OR2H1: variants seen among roughly 807,000 people sequenced by gnomAD.
OR2H1 encodes olfactory receptor 2H1.
For missense variants in OR2H1, 380 were observed against 367.3 expected (o/e 1.03, Z -0.28); for synonymous variants, 155 against 155.2 (o/e 1.00, Z 0.01).
In OR2H1 at chr6:29,462,712, G is replaced by C; in HGVS notation, c.943G>C (p.Ala315Pro). ...AAGAGACTCCAGGGAAAGCTGGAGA[G>C]CTGCTTAATATACTTTCGAAAGTAA... ...KERDSRESWR[A>P]A is the part of the protein sequence containing the mutation. The change falls in exon 4 of 4, where the codon GCT becomes CCT. Residue 315 changes from alanine to proline, a missense_variant. By Grantham distance (27) the Ala-to-Pro change is conservative. Coordinates refer to ENST00000377133, the MANE Select transcript of OR2H1 (RefSeq NM_030883.5). 2 of 1,607,462 alleles carry C rather than the reference G, an allele frequency of 1.2e-6. No individual in the cohort carries two copies. The highest frequency in any genetic ancestry group is 1.7e-6 in the Non-Finnish European group (2 of 1,176,074).
Position 29,462,796 on chromosome 6 carries a change from C to T in OR2H1, c.*76C>T. 9.4e-7 allele frequency: 1 copy of T among 1,066,026 alleles called. No individual in the cohort carries two copies. Among genetic ancestry groups the T allele is most frequent in the Non-Finnish European group, 1.4e-6 (1 of 731,566 alleles). 66.0% of individuals were successfully genotyped at this position (1,066,026 alleles called of 1,614,324 possible). The stretch of plus-strand genomic sequence containing the variant: ...GTTTTCCAGACTACTACCCTTCCCA[C>T]ATACACCTGAGCCACTGTGGTGGGT... On this transcript the variant is annotated 3_prime_UTR_variant, in exon 4 of 4. Coordinates refer to ENST00000377133, the MANE Select transcript of OR2H1 (RefSeq NM_030883.5).
chr6:29,462,148 C>A lies in OR2H1; in HGVS notation c.379C>A (p.Pro127Thr). Residue 127 changes from proline (P) to threonine (T), a missense_variant, in exon 4 of 4, where the codon CCC (proline) becomes ACC (threonine). Pro to Thr is a conservative substitution (Grantham distance 38). Coordinates refer to ENST00000377133, the MANE Select transcript of OR2H1 (RefSeq NM_030883.5). ...TGACCGATACGTGGCTGTCTGCCAG[C>A]CCCTCCACTATGCCACCATCATCCA... ...AFDRYVAVCQ[P>T]LHYATIIHPR... The A allele has an allele frequency of 6.2e-7, 1 of 1,613,686 alleles. No individual in the cohort carries two copies. The highest frequency in any genetic ancestry group is 8.5e-7 in the Non-Finnish European group (1 of 1,180,020).
Position 29,462,339 on chromosome 6 carries a change from C to T in OR2H1, c.570C>T (p.Thr190=), listed in dbSNP as rs144193488. 3 of 1,613,126 alleles carry T rather than the reference C, an allele frequency of 1.9e-6. No individual in the cohort carries two copies. Among genetic ancestry groups the T allele is most frequent in the African/African-American group, 1.3e-5 (1 of 75,040 alleles). The change falls in exon 4 of 4, where the codon ACC becomes ACT. Residue 190 remains threonine, a synonymous_variant. Transcript: ENST00000377133. ...TGATTCGACTCTCCTGTGGAGATAC[C>T]TCCTACAATGAAATCCAGTTGGCTG... The part of the protein sequence containing the change: ...PSLIRLSCGD[T]SYNEIQLAVS...
At chr6:29,459,072 G>C (rs1465116802) in intron 2 of OR2H1, among the ~76,000 whole-genome samples, 1 of 151,910 alleles carries the variant, frequency 6.6e-6, no homozygotes, top group Non-Finnish European at 1.5e-5. Flanking sequence ...GAGTGCAGAG[G>C]GTCAAAGGAA....
intron 1 of OR2H1, among the ~76,000 whole-genome samples, chr6:29,457,500 G>A (rs540168797): frequency 3.9e-5 from 6 of 152,168 alleles, no homozygotes; most frequent in South Asian, 4.1e-4. Flanking sequence ...AAAACAAAAT[G>A]ATAGAAATCA....
chr6:29,460,710 G>A (rs895561899), intron 3 of OR2H1, among the ~76,000 whole-genome samples: 3 of 152,062 alleles, frequency 2.0e-5, no homozygotes, highest in Non-Finnish European at 4.4e-5. Context: ...TCAAGTGTTA[G>A]CACTTTACTA....
At position 29,462,301 on chromosome 6, in the gene OR2H1, G is replaced by A. The variant is rs1324828939; in HGVS notation, c.532G>A (p.Glu178Lys). Residue 178 changes from glutamate to lysine, a missense_variant, in exon 4 of 4, where the codon GAG (glutamate) becomes AAG (lysine). Transcript: ENST00000377133. Reference sequence around the variant, plus strand: ...CCAGCAGATAGATGACTTTTTATGTGAGGTCCCATCTCTGATTCGACTCTC... The same window carrying A: ...CCAGCAGATAGATGACTTTTTATGTAAGGTCCCATCTCTGATTCGACTCTC... Reference protein sequence around the residue: ...PHQQIDDFLCEVPSLIRLSCG... With the variant: ...PHQQIDDFLCKVPSLIRLSCG... 2 of 1,613,128 alleles carry A rather than the reference G, an allele frequency of 1.2e-6. No homozygotes were observed. The highest frequency in any genetic ancestry group is 4.5e-5 in the East Asian group (2 of 44,868).
chr6:29,462,592 T>G lies in OR2H1; in HGVS notation c.823T>G (p.Phe275Val), dbSNP rs746111262. ...AGGGAGGGGCAAGTTCTTTGGTCTC[T>G]TCTATGCAGTGGGCACTCCTTCACT... ...AQGRGKFFGL[F>V]YAVGTPSLNP... Residue 275 changes from phenylalanine to valine, a missense_variant, in exon 4 of 4, where the codon TTC (phenylalanine) becomes GTC (valine). Transcript: ENST00000377133. 1.2e-6 allele frequency: 2 copies of G among 1,612,940 alleles called. No individual in the cohort carries two copies. The highest frequency in any genetic ancestry group is 1.3e-5 in the African/African-American group (1 of 74,906).
rs767782632 is a variant in OR2H1, at chr6:29,462,217, A to G, written c.448A>G (p.Ser150Gly). Residue 150 changes from serine (S) to glycine (G), a missense_variant, in exon 4 of 4, where the codon AGT (serine) becomes GGT (glycine). Ser to Gly is a moderately conservative substitution (Grantham distance 56). Transcript: ENST00000377133. ...GCTGGCATCTGTGGCCTGGGTTATG[A>G]GTCTGGTTCAATCGATAGTCCAGAC... Reference protein sequence around the residue: ...WQLASVAWVMSLVQSIVQTPS... With the variant: ...WQLASVAWVMGLVQSIVQTPS... 1 of 1,613,426 alleles carries G rather than the reference A, an allele frequency of 6.2e-7. No individual in the cohort carries two copies. The highest frequency in any genetic ancestry group is 1.1e-5 in the South Asian group (1 of 91,078).
In OR2H1 at chr6:29,462,680, G is replaced by A; in HGVS notation, c.911G>A (p.Gly304Glu). Residue 304 changes from glycine to glutamate, a missense_variant, in exon 4 of 4, where the codon GGG (glycine) becomes GAG (glutamate). Transcript: ENST00000377133. ...AAGCGAGCACTCAGGAGGTTACTAG[G>A]GAAGGAAAGAGACTCCAGGGAAAGC... ...EIKRALRRLL[G>E]KERDSRESWR... 6.2e-7 allele frequency: 1 copy of A among 1,612,920 alleles called. No homozygotes were observed. The highest frequency in any genetic ancestry group is 1.1e-5 in the South Asian group (1 of 91,042).
At position 29,462,948 on chromosome 6, in the gene OR2H1, T is replaced by C. The variant is rs1787501610; in HGVS notation, c.*228T>C. 1.8e-6 allele frequency: 1 copy of C among 565,938 alleles called. No individual in the cohort carries two copies. The highest frequency in any genetic ancestry group is 2.8e-5 in the South Asian group (1 of 36,354). 35.1% of individuals were successfully genotyped at this position (565,938 alleles called of 1,614,324 possible). A position where few individuals can be genotyped will look rare whatever the true frequency, so the allele number is the denominator to read the frequency against. The stretch of plus-strand genomic sequence containing the variant: ...ACAAATTCAAATATTATCATTCCTA[T>C]CACTGTCCATTCTTAATATTTCTAT... On this transcript the variant is annotated 3_prime_UTR_variant, in exon 4 of 4. Coordinates refer to ENST00000377133, the MANE Select transcript of OR2H1 (RefSeq NM_030883.5).
At position 29,461,931 on chromosome 6, in the gene OR2H1, C is replaced by T. The variant is rs1255659177; in HGVS notation, c.162C>T (p.His54=). ...ILLSVLYPRL[H]SPMYFFLSDL... The stretch of plus-strand genomic sequence containing the variant: ...TGTCTGTACTGTACCCCAGGCTCCA[C>T]TCTCCAATGTACTTTTTCCTCTCTG... The change falls in exon 4 of 4, where the codon CAC becomes CAT. Residue 54 remains histidine, a synonymous_variant. Coordinates refer to ENST00000377133, the MANE Select transcript of OR2H1 (RefSeq NM_030883.5). 6.2e-7 allele frequency: 1 copy of T among 1,612,954 alleles called. No homozygotes were observed. The highest frequency in any genetic ancestry group is 1.3e-5 in the African/African-American group (1 of 74,888).
In OR2H1 at chr6:29,462,976, T is replaced by C; in HGVS notation, c.*256T>C. On this transcript the variant is annotated 3_prime_UTR_variant, in exon 4 of 4. Transcript: ENST00000377133. ...CTGTCCATTCTTAATATTTCTATCC[T>C]CCATTCTGTTCTTTTTACTGTCATC... 1.9e-6 allele frequency: 1 copy of C among 520,064 alleles called. No individual in the cohort carries two copies. The highest frequency in any genetic ancestry group is 3.1e-5 in the East Asian group (1 of 31,922). 32.2% of individuals were successfully genotyped at this position (520,064 alleles called of 1,614,324 possible).
At chr6:29,459,565 G>A (rs1043165574) in intron 2 of OR2H1, among the ~76,000 whole-genome samples, 2 of 152,190 alleles carry the variant, frequency 1.3e-5, no homozygotes, top group African/African-American at 4.8e-5. Flanking sequence ...TTTAACACCA[G>A]ACAGGGTCCT....
chr6:29,462,276 C>T lies in OR2H1; in HGVS notation c.507C>T (p.His169=), dbSNP rs1787381606. ...PSTLHLPFCP[H]QQIDDFLCEV... The stretch of plus-strand genomic sequence containing the variant: ...CCCTCCACTTGCCCTTCTGTCCCCA[C>T]CAGCAGATAGATGACTTTTTATGTG... The change falls in exon 4 of 4, where the codon CAC becomes CAT. Residue 169 remains histidine, a synonymous_variant. Transcript: ENST00000377133. 6.2e-7 allele frequency: 1 copy of T among 1,613,204 alleles called. No homozygotes were observed. Among genetic ancestry groups the T allele is most frequent in the African/African-American group, 1.3e-5 (1 of 74,922 alleles).
chr6:29,463,028 A>G lies in OR2H1; in HGVS notation c.*308A>G, dbSNP rs1345918400. ...CTTCTATAGATTTCCTAACTCCACC[A>G]TGCCTATTTCTGGTTATATAATTGC... On this transcript the variant is annotated 3_prime_UTR_variant, in exon 4 of 4. Transcript: ENST00000377133. 2.5e-6 allele frequency: 1 copy of G among 394,422 alleles called. No individual in the cohort carries two copies. The highest frequency in any genetic ancestry group is 4.7e-6 in the Non-Finnish European group (1 of 212,172). The allele number at this position is 394,422 out of a possible 1,614,324, so 24.4% of individuals were successfully genotyped here. A position where few individuals can be genotyped will look rare whatever the true frequency, so the allele number is the denominator to read the frequency against.
Position 29,462,282 on chromosome 6 carries a change from G to A in OR2H1, c.513G>A (p.Gln171=), listed in dbSNP as rs749768731. 5.6e-6 allele frequency: 9 copies of A among 1,613,294 alleles called. No homozygotes were observed. Among genetic ancestry groups the A allele is most frequent in the East Asian group, 2.2e-5 (1 of 44,880 alleles). The part of the protein sequence containing the change: ...TLHLPFCPHQ[Q]IDDFLCEVPS... Reference sequence around the variant, plus strand: ...ACTTGCCCTTCTGTCCCCACCAGCAGATAGATGACTTTTTATGTGAGGTCC... The same window carrying A: ...ACTTGCCCTTCTGTCCCCACCAGCAAATAGATGACTTTTTATGTGAGGTCC... The change falls in exon 4 of 4, where the codon CAG becomes CAA. Residue 171 remains glutamine (Q), a synonymous_variant. Coordinates refer to ENST00000377133, the MANE Select transcript of OR2H1 (RefSeq NM_030883.5).
rs969660922 is a variant in OR2H1, at chr6:29,463,070, C to T, written c.*350C>T. 9.5e-6 allele frequency: 3 copies of T among 315,082 alleles called. No individual in the cohort carries two copies. Among genetic ancestry groups the T allele is most frequent in the Non-Finnish European group, 1.8e-5 (3 of 162,302 alleles). The allele number at this position is 315,082 out of a possible 1,614,324, so 19.5% of individuals were successfully genotyped here. On this transcript the variant is annotated 3_prime_UTR_variant, in exon 4 of 4. Coordinates refer to ENST00000377133, the MANE Select transcript of OR2H1 (RefSeq NM_030883.5). ...TATAATTGCTCTCCAATTGTCATGT[C>T]AGTGTAGGGGAACTACTCCATCATA...
chr6:29,462,132 C>A lies in OR2H1; in HGVS notation c.363C>A (p.Tyr121Ter). 1 of 1,613,600 alleles carries A rather than the reference C, an allele frequency of 6.2e-7. No homozygotes were observed. Among genetic ancestry groups the A allele is most frequent in the South Asian group, 1.1e-5 (1 of 91,048 alleles). Reference protein sequence around the residue: ...ILLTVMAFDRYVAVCQPLHYA... With the variant: ...ILLTVMAFDR ...TGACAGTGATGGCCTTTGACCGATA[C>A]GTGGCTGTCTGCCAGCCCCTCCACT... Residue 121 changes from tyrosine (Y) to a stop codon, truncating the protein, a stop_gained, in exon 4 of 4, where the codon TAC becomes TAA. Transcript: ENST00000377133. LOFTEE classifies it low-confidence loss of function (END_TRUNC).
Sources: allele counts gnomAD v4.1 joint callset (sites outside exome capture counted in the v4.1 genomes callset), GRCh38; gene constraint gnomAD v4.1.1; transcripts MANE v1.5; gene names NCBI Gene and HGNC (gene_info 2026-07-23, HGNC 2026-07-21).